The following ZFHX3 variants were observed in gnomAD, a reference collection of about 807,000 sequenced individuals.
The protein encoded by ZFHX3 is zinc finger homeobox 3.
In ZFHX3, 42 loss-of-function variants were observed where a neutral mutation model predicts 279.1. That is an observed-to-expected ratio of 0.15 (90% confidence interval 0.12 to 0.19). ZFHX3 has a LOEUF of 0.19. Among genes scored for constraint, ZFHX3 ranks in the 10% least tolerant of loss-of-function variants. ZFHX3 has a pLI of 1.00. For synonymous variants in ZFHX3, 2,293 were observed against 1,957.8 expected (o/e 1.17, Z -4.52); for missense variants, 4,981 against 4,754.0 (o/e 1.05, Z -1.40).
intron 3 of ZFHX3, among the ~76,000 whole-genome samples, chr16:73,448,524 T>A (rs1465312779): frequency 6.6e-6 from 1 of 151,716 alleles, no homozygotes; most frequent in Non-Finnish European, 1.5e-5. Flanking sequence ...GGCAAAGGCT[T>A]GAGAAAGTCT....
At chr16:73,639,711 A>G (rs1412594661) in intron 2 of ZFHX3, among the ~76,000 whole-genome samples, 1 of 151,450 alleles carries the variant, frequency 6.6e-6, no homozygotes, top group Non-Finnish European at 1.5e-5. Context: ...ACATGTGTTT[A>G]TCTCTTCTTC....
At chr16:73,763,868 G>A (rs1302322990) in intron 1 of ZFHX3, among the ~76,000 whole-genome samples, 1 of 146,932 alleles carries the variant, frequency 6.8e-6, no homozygotes, top group Non-Finnish European at 1.5e-5. Context: ...GAGGCAAGCT[G>A]CCATTAATTC....
chr16:73,348,150 C>T (rs1400324539), intron 3 of ZFHX3, among the ~76,000 whole-genome samples: 1 of 152,194 alleles, frequency 6.6e-6, no homozygotes, highest in Non-Finnish European at 1.5e-5. Flanking sequence ...TAAAAGGAAA[C>T]TGCCTCCAAC....
rs532444600 is a variant in ZFHX3, at chr16:73,008,118, C to A, written c.-50+39634G>T. 1.5e-4 allele frequency among the ~76,000 whole-genome samples: 23 copies of A among 152,214 alleles called. No homozygotes were observed. The South Asian group carries it at 4.8e-3, about 32-fold the overall frequency. ...CACTTTTATCTTACAATTCTTTTCT[C>A]CAGCTGTCTTTAGGCTTGTTTTATG... On this transcript the variant is annotated intron_variant, in intron 1 of 9. Transcript: ENST00000268489.
At chr16:73,623,037 GTAT>G (rs2052379547) in intron 2 of ZFHX3, among the ~76,000 whole-genome samples, 1 of 79,456 alleles carries the variant, frequency 1.3e-5, no homozygotes, top group Admixed American at 1.5e-4. Flanking sequence ...AGGGCACATT[GTAT>G]TTTTTTTTTT....
chr16:73,779,225 C>T (rs184298425), intron 1 of ZFHX3, among the ~76,000 whole-genome samples: 1 of 152,270 alleles, frequency 6.6e-6, no homozygotes, highest in African/African-American at 2.4e-5. Context: ...TCTTTATCGA[C>T]TGAGCTCAAA....
At chr16:72,979,263 G>A (rs921799497) in intron 1 of ZFHX3, among the ~76,000 whole-genome samples, 11 of 152,188 alleles carry the variant, frequency 7.2e-5, no homozygotes, top group African/African-American at 4.8e-5. Context: ...TTCGGAATAC[G>A]CAGAATGGTT....
chr16:73,040,384 A>G (rs1567646382), intron 1 of ZFHX3, among the ~76,000 whole-genome samples: 2 of 152,228 alleles, frequency 1.3e-5, no homozygotes, highest in South Asian at 4.1e-4. Flanking sequence ...TTAACTCTGC[A>G]AGTTGATAGT....
intron 3 of ZFHX3, chr16:73,421,536 G>C (rs1024477393): frequency 4.6e-5 from 7 of 152,082 alleles, no homozygotes; most frequent in Admixed American, 3.3e-4. Flanking sequence ...TATAGTCATC[G>C]TCTAAACATC....
chr16:73,039,662 G>T (rs1471085083), intron 1 of ZFHX3, among the ~76,000 whole-genome samples: 1 of 152,046 alleles, frequency 6.6e-6, no homozygotes, highest in East Asian at 1.9e-4. Flanking sequence ...CAACCAGGAA[G>T]TGACCAGGCC....
intron 3 of ZFHX3, chr16:73,420,863 A>T (rs1002074053): frequency 1.3e-5 from 2 of 152,138 alleles, no homozygotes; most frequent in South Asian, 2.1e-4. Context: ...CCAGCACATA[A>T]ATTATTTACT....
intron 2 of ZFHX3, among the ~76,000 whole-genome samples, chr16:73,597,992 G>T (rs2052070122): frequency 6.6e-6 from 1 of 152,144 alleles, no homozygotes; most frequent in Non-Finnish European, 1.5e-5. Context: ...TATGACTGTA[G>T]GGATTTGGGA....
At position 73,155,522 on chromosome 16, in the gene ZFHX3, A is replaced by G. The variant is rs562293580; in HGVS notation, c.-1103-11691T>C. On this transcript the variant is annotated intron_variant, in intron 5 of 17. Coordinates refer to the ZFHX3 transcript ENST00000641206. The stretch of plus-strand genomic sequence containing the variant: ...GTGCTAGTGATATAATGACACAATG[A>G]TATAATAATATATATGAAGCCTGGA... 2.0e-5 allele frequency among the ~76,000 whole-genome samples: 3 copies of G among 152,326 alleles called. No individual in the cohort carries two copies. The South Asian group carries it at 6.2e-4, about 32-fold the overall frequency.
chr16:72,829,657 G>A, intron 5 of ZFHX3, 122 bp downstream of exon 5: 1 of 1,041,454 alleles, frequency 9.6e-7, no homozygotes, highest in South Asian at 1.5e-5. Context: ...TCCTTTTTCT[G>A]GGCAGACTAA....
At chr16:72,956,275 ACT>A (rs1327226661) in intron 2 of ZFHX3, among the ~76,000 whole-genome samples, 1 of 152,198 alleles carries the variant, frequency 6.6e-6, no homozygotes. Context: ...CCTCACTGAC[ACT>A]CTGTTGCCAA....
chr16:73,264,972 G>GTA (rs1172056126), intron 4 of ZFHX3, among the ~76,000 whole-genome samples: 3 of 149,474 alleles, frequency 2.0e-5, no homozygotes, highest in African/African-American at 2.5e-5. Context: ...GTATATATGT[G>GTA]TATATATATG....
intron 2 of ZFHX3, among the ~76,000 whole-genome samples, chr16:73,535,761 T>A (rs531217407): frequency 5.9e-4 from 89 of 151,332 alleles, no homozygotes; most frequent in Admixed American, 2.6e-4. Flanking sequence ...CTCCCTCTGT[T>A]AGCCAGGCTG....
chr16:73,287,588 G>A (rs1248109548), intron 4 of ZFHX3, among the ~76,000 whole-genome samples: 1 of 148,340 alleles, frequency 6.7e-6, no homozygotes, highest in Non-Finnish European at 1.5e-5. Context: ...GTATGGGTTG[G>A]TGAGTGGCTG....
At chr16:73,721,303 G>C (rs187097921) in intron 1 of ZFHX3, among the ~76,000 whole-genome samples, 3 of 152,214 alleles carry the variant, frequency 2.0e-5, no homozygotes, top group Admixed American at 1.3e-4. Context: ...TGTATTTTTA[G>C]TAGAGATGGG....
Sources: gnomAD v4.1 joint callset for allele counts (sites outside exome capture counted in the v4.1 genomes callset) on GRCh38, gnomAD v4.1.1 for gene constraint, MANE v1.5 for transcripts, NCBI Gene and HGNC (gene_info 2026-07-23, HGNC 2026-07-21) for gene names.